Variants in SMG6 observed in about 807,000 individuals in gnomAD.
SMG6 encodes telomerase-binding protein EST1A.
SMG6 carries 66 observed loss-of-function variants against 142.2 expected under a neutral mutation model. That is an observed-to-expected ratio of 0.46 (90% confidence interval 0.38 to 0.57). The LOEUF (loss-of-function observed/expected upper bound fraction) is 0.57, where lower values mean the gene tolerates loss of function less well. SMG6 is among the 20% of genes least tolerant of loss of function. SMG6 has a pLI of 0.00. For synonymous variants in SMG6, 779 were observed against 702.4 expected (o/e 1.11, Z -1.72); for missense variants, 1,793 against 1,832.0 (o/e 0.98, Z 0.39).
chr17:2,288,781 A>G (rs907900647), intron 6 of SMG6, among the ~76,000 whole-genome samples: 1 of 151,562 alleles, frequency 6.6e-6, no homozygotes, highest in Non-Finnish European at 1.5e-5. Flanking sequence ...AAATACAAAA[A>G]TTAGCCAGGC....
chr17:2,129,507 CT>C (rs2070027822), intron 13 of SMG6, among the ~76,000 whole-genome samples: 1 of 151,924 alleles, frequency 6.6e-6, no homozygotes, highest in South Asian at 2.1e-4. Flanking sequence ...TATCACAAAT[CT>C]ATGGGCCAGG....
chr17:2,218,533 G>A (rs747149941), intron 10 of SMG6, among the ~76,000 whole-genome samples: 11 of 152,086 alleles, frequency 7.2e-5, no homozygotes, highest in Middle Eastern at 3.2e-3. Flanking sequence ...GCGACAGACC[G>A]AGACTCCGTC....
At chr17:2,227,217 T>C (rs1423848856) in intron 10 of SMG6, among the ~76,000 whole-genome samples, 1 of 152,190 alleles carries the variant, frequency 6.6e-6, no homozygotes, top group Non-Finnish European at 1.5e-5. Context: ...GGCAAGTCCA[T>C]TCCTAGGTAC....
At chr17:2,176,207 T>C (rs188339377) in intron 12 of SMG6, among the ~76,000 whole-genome samples, 58 of 152,326 alleles carry the variant, frequency 3.8e-4, no homozygotes, top group African/African-American at 1.3e-3. Flanking sequence ...TTCCTGTCTG[T>C]AGAAGGAGAA....
At chr17:2,215,851 G>A (rs1222681020) in intron 10 of SMG6, 1 of 151,534 alleles carries the variant, frequency 6.6e-6, no homozygotes, top group Non-Finnish European at 1.5e-5. Context: ...GGAGGGGAGT[G>A]AGGGTGGGTG....
chr17:2,277,157 ATTTATTTATTTTTTATT>A (rs2074671511), intron 8 of SMG6, among the ~76,000 whole-genome samples: 1 of 97,070 alleles, frequency 1.0e-5, no homozygotes, highest in African/African-American at 4.2e-5. Context: ...TTATTTATTT[ATTTATTTATTTTTTATT>A]TTTTTTTTTT....
At chr17:2,131,648 T>G (rs1221896952) in intron 13 of SMG6, among the ~76,000 whole-genome samples, 1 of 152,172 alleles carries the variant, frequency 6.6e-6, no homozygotes, top group African/African-American at 2.4e-5. Context: ...AATGGCTGAT[T>G]TGTCACACAA....
chr17:2,115,231 T>C (rs2069470644), intron 13 of SMG6, among the ~76,000 whole-genome samples: 1 of 151,976 alleles, frequency 6.6e-6, no homozygotes, highest in African/African-American at 2.4e-5. Flanking sequence ...GCAGTATAAA[T>C]CAAATGTTCC....
chr17:2,302,674 G>A (rs528907987), intron 1 of SMG6, among the ~76,000 whole-genome samples: 18 of 152,192 alleles, frequency 1.2e-4, no homozygotes, highest in African/African-American at 4.3e-4. Flanking sequence ...TAAGGAAAAG[G>A]GGAAGAAAAG....
chr17:2,178,370 T>G (rs2071709192), intron 12 of SMG6, among the ~76,000 whole-genome samples: 1 of 152,210 alleles, frequency 6.6e-6, no homozygotes, highest in African/African-American at 2.4e-5. Context: ...AAGAGATGTT[T>G]GCTGGGTGAC....
intron 16 of SMG6, among the ~76,000 whole-genome samples, chr17:2,067,403 C>A (rs1424206772): frequency 6.6e-6 from 1 of 152,132 alleles, no homozygotes. Flanking sequence ...CCTGAGATGT[C>A]CACAGCCTCT....
intron 13 of SMG6, chr17:2,089,867 G>C (rs2068665286): frequency 6.6e-6 from 1 of 152,122 alleles, no homozygotes. Context: ...ATTTAAGGTG[G>C]AGAGGTGGAG....
chr17:2,085,298 G>C lies in SMG6; in HGVS notation c.3534+427C>G, dbSNP rs2068529046. ...GAACAAGGGAGGGAGGGTAGGGCAG[G>C]GGAGGGGTGATTTTCCACACAGGGC... On this transcript the variant is annotated intron_variant, in intron 14 of 18. Transcript: ENST00000263073. This position sits in a 1 kb window ranked among gnomAD's most constrained non-coding sequence, Gnocchi z 4.1. Among the ~76,000 whole-genome samples, 1 of 152,040 alleles carries C rather than the reference G, an allele frequency of 6.6e-6. No individual in the cohort carries two copies. Among genetic ancestry groups the C allele is most frequent in the African/African-American group, 2.4e-5 (1 of 41,374 alleles).
At chr17:2,256,209 A>C (rs555560600) in intron 8 of SMG6, 2 of 150,590 alleles carry the variant, frequency 1.3e-5, no homozygotes, top group Non-Finnish European at 3.0e-5. Context: ...AATAAGAAGA[A>C]AAAAAAAAAA....
intron 8 of SMG6, among the ~76,000 whole-genome samples, chr17:2,276,819 T>C (rs922312298): frequency 1.3e-5 from 2 of 152,176 alleles, no homozygotes; most frequent in Non-Finnish European, 2.9e-5. Context: ...TTCCCTCTTA[T>C]TGTCCAGGCT....
intron 10 of SMG6, among the ~76,000 whole-genome samples, chr17:2,206,054 C>A (rs913933905): frequency 1.3e-5 from 2 of 152,132 alleles, no homozygotes; most frequent in African/African-American, 2.4e-5. Flanking sequence ...ACTGATCCAC[C>A]CGCCTTGGCC....
chr17:2,065,480 G>A lies in SMG6; in HGVS notation c.4035C>T (p.Ile1345=). The A allele has an allele frequency of 6.2e-7, 1 of 1,612,528 alleles. No individual in the cohort carries two copies. The highest frequency in any genetic ancestry group is 8.5e-7 in the Non-Finnish European group (1 of 1,179,914). ...CACAGGGTCTCACCAGCTGGCCAGT[G>A]ATGTCCTCACTGCGGAAGGCGATGG... ...LESIAFRSED[I]TGQLGNNDDL... The change falls in exon 17 of 19, where the codon ATC becomes ATT. Residue 1345 remains isoleucine, a synonymous_variant. Coordinates refer to ENST00000263073, the MANE Select transcript of SMG6 (RefSeq NM_017575.5).
chr17:2,249,218 C>T (rs1261059054), intron 8 of SMG6, among the ~76,000 whole-genome samples: 1 of 152,032 alleles, frequency 6.6e-6, no homozygotes, highest in Non-Finnish European at 1.5e-5. Flanking sequence ...CCCATAGTCA[C>T]AAAAACCTTA....
At chr17:2,103,762 G>A (rs1462406408) in intron 13 of SMG6, among the ~76,000 whole-genome samples, 3 of 152,014 alleles carry the variant, frequency 2.0e-5, no homozygotes, top group Non-Finnish European at 2.9e-5. Flanking sequence ...CCAAACCTGT[G>A]AGCCCTATAG....
Sources: allele counts gnomAD v4.1 joint callset (sites outside exome capture counted in the v4.1 genomes callset), GRCh38; gene constraint gnomAD v4.1.1; non-coding constraint Gnocchi (gnomAD v3.1); transcripts MANE v1.5; gene names NCBI Gene and HGNC (gene_info 2026-07-23, HGNC 2026-07-21).